The following ZNF385D variants were observed in gnomAD, a reference collection of about 807,000 sequenced individuals.
The protein encoded by ZNF385D is zinc finger protein 385D.
ZNF385D carries 15 observed loss-of-function variants against 35.8 expected under a neutral mutation model. The observed-to-expected ratio is 0.42, with a 90% CI of 0.28 to 0.64. The LOEUF is 0.64. ZNF385D is among the 30% of genes least tolerant of loss of function. The pLI is 0.23. For synonymous variants in ZNF385D, 212 were observed against 186.8 expected (o/e 1.13, Z -1.10); for missense variants, 474 against 494.6 (o/e 0.96, Z 0.39).
intron 2 of ZNF385D, among the ~76,000 whole-genome samples, chr3:21,608,657 A>T (rs1469417466): frequency 1.3e-5 from 2 of 152,170 alleles, no homozygotes; most frequent in Non-Finnish European, 1.5e-5. Flanking sequence ...AATGTCTATT[A>T]GTTTTGTTGT....
intron 1 of ZNF385D, among the ~76,000 whole-genome samples, chr3:21,747,885 T>G (rs902689181): frequency 1.3e-5 from 2 of 152,188 alleles, no homozygotes; most frequent in African/African-American, 4.8e-5. Flanking sequence ...ACATGTAATT[T>G]TTAACTATCT....
intron 3 of ZNF385D, among the ~76,000 whole-genome samples, chr3:22,143,232 A>G (rs995830255): frequency 4.6e-5 from 7 of 151,852 alleles, no homozygotes; most frequent in Admixed American, 6.6e-5. Flanking sequence ...ACAGGCGCCC[A>G]CCACCACGCC....
intron 3 of ZNF385D, among the ~76,000 whole-genome samples, chr3:21,799,288 T>C (rs1333736743): frequency 1.3e-5 from 2 of 152,206 alleles, no homozygotes; most frequent in Non-Finnish European, 2.9e-5. Context: ...ATGCTTGTTT[T>C]CTTTTGGGGA....
At chr3:22,193,735 T>A (rs1696218041) in intron 2 of ZNF385D, among the ~76,000 whole-genome samples, 2 of 152,014 alleles carry the variant, frequency 1.3e-5, no homozygotes, top group Admixed American at 1.3e-4. Context: ...AGGATAAATA[T>A]CCTTAGGCAT....
intron 3 of ZNF385D, among the ~76,000 whole-genome samples, chr3:22,073,318 G>C (rs1454012609): frequency 6.9e-6 from 1 of 145,288 alleles, no homozygotes; most frequent in African/African-American, 2.5e-5. Flanking sequence ...ATATGAAAAA[G>C]AAACAGACAG....
intron 4 of ZNF385D, among the ~76,000 whole-genome samples, chr3:21,507,130 T>C (rs1404353572): frequency 6.6e-6 from 1 of 152,178 alleles, no homozygotes; most frequent in Admixed American, 6.6e-5. Flanking sequence ...ATCAAAATTG[T>C]CTTTATATCA....
chr3:21,483,059 T>C (rs891444656), intron 4 of ZNF385D, among the ~76,000 whole-genome samples: 1 of 152,138 alleles, frequency 6.6e-6, no homozygotes, highest in Non-Finnish European at 1.5e-5. Context: ...TGAAATTTTA[T>C]CACATGTGTA....
Position 21,412,947 on chromosome 3 carries a change from T to G in ZNF385D, c.*8267A>C, listed in dbSNP as rs191805328. Reference sequence around the variant, plus strand: ...CATATCATGTAGGGTGAGAAATTGATGTTTGGGGAGATGTTATCACATGAC... The same window carrying G: ...CATATCATGTAGGGTGAGAAATTGAGGTTTGGGGAGATGTTATCACATGAC... On this transcript the variant is annotated 3_prime_UTR_variant, in exon 8 of 8. Coordinates refer to ENST00000281523, the MANE Select transcript of ZNF385D (RefSeq NM_024697.3). 1.3e-5 allele frequency: 2 copies of G among 151,992 alleles called. No individual in the cohort carries two copies. The highest frequency in any genetic ancestry group is 2.4e-5 in the African/African-American group (1 of 41,392). 9.4% of individuals were successfully genotyped at this position (151,992 alleles called of 1,614,324 possible). A position where few individuals can be genotyped will look rare whatever the true frequency, so the allele number is the denominator to read the frequency against.
chr3:22,257,084 C>T (rs188493521), intron 2 of ZNF385D, among the ~76,000 whole-genome samples: 1 of 151,750 alleles, frequency 6.6e-6, no homozygotes, highest in Non-Finnish European at 1.5e-5. Context: ...CAAGATCATA[C>T]AGAAGGCTGA....
At chr3:22,111,365 G>A (rs181248206) in intron 3 of ZNF385D, among the ~76,000 whole-genome samples, 1 of 151,832 alleles carries the variant, frequency 6.6e-6, no homozygotes, top group Non-Finnish European at 1.5e-5. Context: ...GTAAGTTCAA[G>A]CAGATGCTAG....
At chr3:21,707,084 T>C (rs1473379233) in intron 1 of ZNF385D, among the ~76,000 whole-genome samples, 3 of 152,180 alleles carry the variant, frequency 2.0e-5, no homozygotes, top group Non-Finnish European at 4.4e-5. Context: ...TGGGCTTTAC[T>C]TGCCAAGAAT....
intron 3 of ZNF385D, among the ~76,000 whole-genome samples, chr3:22,100,707 T>C (rs11915086): frequency 0.041 from 5,868 of 144,422 alleles, 227 homozygotes; most frequent in East Asian, 0.14. Flanking sequence ...GGGGAAAGGA[T>C]AGCAATGGGA....
At chr3:22,116,400 G>T (rs190018522) in intron 3 of ZNF385D, among the ~76,000 whole-genome samples, 4 of 152,008 alleles carry the variant, frequency 2.6e-5, no homozygotes, top group East Asian at 1.9e-4. Context: ...GAACTACTCA[G>T]ATTATTTTGT....
chr3:21,990,352 T>A (rs1695082765), intron 3 of ZNF385D, among the ~76,000 whole-genome samples: 1 of 152,156 alleles, frequency 6.6e-6, no homozygotes, highest in Non-Finnish European at 1.5e-5. Flanking sequence ...TCTTCACAAA[T>A]CCAAAGTTAG....
At chr3:21,684,313 C>T (rs1243342749) in intron 1 of ZNF385D, among the ~76,000 whole-genome samples, 1 of 139,636 alleles carries the variant, frequency 7.2e-6, no homozygotes, top group African/African-American at 2.7e-5. Flanking sequence ...ATAAATATCT[C>T]GTATGTTTGA....
chr3:22,229,290 T>C lies in ZNF385D; in HGVS notation c.107-60255A>G, dbSNP rs141327807. Among the ~76,000 whole-genome samples, 171 of 152,320 alleles carry C rather than the reference T, an allele frequency of 1.1e-3. 1 individual carries two copies. The highest frequency in any genetic ancestry group is 3.8e-3 in the African/African-American group (159 of 41,582). On this transcript the variant is annotated intron_variant, in intron 2 of 5. Transcript: ENST00000494108. Reference sequence around the variant, plus strand: ...CTCTCTTTGGAAAACTGGCCACTTATTTGTGAGAGGTCCTCCACTGGATTA... The same window carrying C: ...CTCTCTTTGGAAAACTGGCCACTTACTTGTGAGAGGTCCTCCACTGGATTA...
At chr3:22,249,793 GT>G (rs972646466) in intron 2 of ZNF385D, among the ~76,000 whole-genome samples, 2 of 152,084 alleles carry the variant, frequency 1.3e-5, no homozygotes, top group African/African-American at 2.4e-5. Flanking sequence ...AAATTGTGGG[GT>G]TTTTTTCTGT....
chr3:22,137,619 GC>G (rs1387489374), intron 3 of ZNF385D, among the ~76,000 whole-genome samples: 1 of 152,114 alleles, frequency 6.6e-6, no homozygotes, highest in African/African-American at 2.4e-5. Flanking sequence ...AAATTCAACA[GC>G]CCTTCATGCT....
At chr3:21,763,539 G>A (rs2070708395) in intron 3 of ZNF385D, among the ~76,000 whole-genome samples, 1 of 152,114 alleles carries the variant, frequency 6.6e-6, no homozygotes, top group South Asian at 2.1e-4. Flanking sequence ...AATATCGTGT[G>A]CTTTAGGCCT....
Sources: allele counts gnomAD v4.1 joint callset (sites outside exome capture counted in the v4.1 genomes callset), GRCh38; gene constraint gnomAD v4.1.1; transcripts MANE v1.5; gene names NCBI Gene and HGNC (gene_info 2026-07-23, HGNC 2026-07-21).